Variants in MIA2 observed in about 807,000 individuals in gnomAD.
The protein encoded by MIA2 is melanoma inhibitory activity protein 2.
In MIA2, 127 loss-of-function variants were observed where a neutral mutation model predicts 167.8. That is an observed-to-expected ratio of 0.76 (90% confidence interval 0.66 to 0.88). The LOEUF (loss-of-function observed/expected upper bound fraction) is 0.88. Among genes scored for constraint, MIA2 ranks in the 40% least tolerant of loss-of-function variants. The pLI, the probability that MIA2 is intolerant of heterozygous loss-of-function variation, is 0.00. For synonymous variants in MIA2, 552 were observed against 541.9 expected, an observed-to-expected ratio of 1.02 and a Z score of -0.26; for missense variants, 1,690 against 1,624.7, an observed-to-expected ratio of 1.04 and a Z score of -0.69.
intron 6 of MIA2, among the ~76,000 whole-genome samples, chr14:39,259,517 C>G (rs1013286885): frequency 1.3e-5 from 2 of 151,808 alleles, no homozygotes; most frequent in African/African-American, 4.8e-5. Flanking sequence ...TTTCTTTTCT[C>G]TCTCTCTCTT....
At chr14:39,297,058 C>T (rs559497330) in intron 13 of MIA2, among the ~76,000 whole-genome samples, 10 of 146,046 alleles carry the variant, frequency 6.8e-5, no homozygotes, top group East Asian at 6.2e-4. Context: ...ATTACAAGCG[C>T]GAGCCACCAC....
intron 25 of MIA2, among the ~76,000 whole-genome samples, chr14:39,332,116 T>TC (rs2069042856): frequency 6.6e-6 from 1 of 152,228 alleles, no homozygotes; most frequent in Non-Finnish European, 1.5e-5. Flanking sequence ...TAGTCCCATA[T>TC]TTCTTGGAGG....
intron 7 of MIA2, among the ~76,000 whole-genome samples, chr14:39,277,764 A>ATATATGTGTG (rs2058358682): frequency 3.1e-5 from 1 of 31,770 alleles, no homozygotes; most frequent in Admixed American, 4.8e-4. Flanking sequence ...ATATATATAT[A>ATATATGTGTG]TATATATATA....
intron 25 of MIA2, among the ~76,000 whole-genome samples, chr14:39,338,280 T>A (rs1289644786): frequency 6.6e-6 from 1 of 152,250 alleles, no homozygotes; most frequent in Non-Finnish European, 1.5e-5. Context: ...ACTATAGTTA[T>A]GAAAGACGTA....
Position 39,303,539 on chromosome 14 carries a change from ATACT to A in MIA2, c.2787+18_2787+21del, listed in dbSNP as rs1319161889. The A allele has an allele frequency of 1.4e-5, 22 of 1,593,026 alleles. No individual in the cohort carries two copies. Among genetic ancestry groups the A allele is most frequent in the Non-Finnish European group, 1.9e-5 (22 of 1,164,086 alleles). ...ATGCTGCTAAGGTTTGTGCTATTAG[ATACT>A]TAAAAAGAATAAGGAGGAAGAAAGA... is the stretch of plus-strand genomic sequence containing the variant. On this transcript the variant is annotated intron_variant, in intron 16 of 28. Transcript: ENST00000640607.
At position 39,302,129 on chromosome 14, in the gene MIA2, ACT is replaced by A. The variant is rs1222226822; in HGVS notation, c.2623_2624del (p.Leu875AspfsTer2). ...VLNDKESHIKTLTERLLKMKD... is the reference protein window; with the variant it reads ...VLNDKESHIKXLTERLLKMKD... ...TTTTTCCCCTTTGTTCAATGTCAAG[ACT>A]CTGACTGAACGCTTGTTAAAGATGA... On this transcript the variant is annotated frameshift_variant and splice_region_variant, in exon 15 of 29. Coordinates refer to ENST00000640607, the MANE Select transcript of MIA2 (RefSeq NM_001329214.4). LOFTEE classifies it high-confidence loss of function. 7 of 1,613,118 alleles carry A rather than the reference ACT, an allele frequency of 4.3e-6. No homozygotes were observed. The highest frequency in any genetic ancestry group is 4.0e-5 in the African/African-American group (3 of 74,866).
At chr14:39,286,734 C>T (rs1469777926) in intron 9 of MIA2, among the ~76,000 whole-genome samples, 1 of 139,010 alleles carries the variant, frequency 7.2e-6, no homozygotes, top group African/African-American at 2.7e-5. Flanking sequence ...CACTCTGTTG[C>T]CCAGGCTGGA....
chr14:39,301,039 TACACACACACACACAC>T (rs58641218), intron 14 of MIA2, among the ~76,000 whole-genome samples: 43 of 145,234 alleles, frequency 3.0e-4, no homozygotes, highest in South Asian at 1.3e-3. Context: ...TACATATACA[TACACACACACACACAC>T]ACACACACAC....
chr14:39,274,756 T>G (rs2057695761), intron 6 of MIA2, among the ~76,000 whole-genome samples: 2 of 151,680 alleles, frequency 1.3e-5, no homozygotes, highest in South Asian at 2.1e-4. Flanking sequence ...TTCTCCAGTC[T>G]GCCAGATCTA....
At chr14:39,344,198 T>A (rs1049010763) in intron 25 of MIA2, among the ~76,000 whole-genome samples, 16 of 152,320 alleles carry the variant, frequency 1.1e-4, no homozygotes, top group African/African-American at 3.6e-4. Context: ...TAACAAAATT[T>A]TTTTATTTCT....
At chr14:39,332,551 C>T (rs2069153543) in intron 25 of MIA2, among the ~76,000 whole-genome samples, 1 of 152,140 alleles carries the variant, frequency 6.6e-6, no homozygotes, top group Non-Finnish European at 1.5e-5. Context: ...GCCTTTTTGC[C>T]TGGTTTTTCC....
At chr14:39,336,833 ACTC>A (rs1365649678) in intron 25 of MIA2, among the ~76,000 whole-genome samples, 2 of 151,862 alleles carry the variant, frequency 1.3e-5, no homozygotes, top group Non-Finnish European at 2.9e-5. Context: ...GTAGCCTTGA[ACTC>A]CTGATCTCAA....
Position 39,298,413 on chromosome 14 carries a change from T to TTATTTATATATATATA in MIA2, c.2497-1448_2497-1447insTTATATATATATATAT, listed in dbSNP as rs2061749382. On this transcript the variant is annotated intron_variant, in intron 13 of 28. Coordinates refer to ENST00000640607, the MANE Select transcript of MIA2 (RefSeq NM_001329214.4). The stretch of plus-strand genomic sequence containing the variant: ...TTTACCTGTATCATCTGATTCTGTT[T>TTATTTATATATATATA]TATATATATATATATATATATATAT... Among the ~76,000 whole-genome samples the TTATTTATATATATATA allele has an allele frequency of 1.9e-4, 5 of 26,136 alleles. 1 individual carries two copies. The highest frequency in any genetic ancestry group is 7.0e-4 in the African/African-American group (5 of 7,182). 17.1% of individuals were successfully genotyped at this position (26,136 alleles called of 152,430 possible). A position where few individuals can be genotyped will look rare whatever the true frequency, so the allele number is the denominator to read the frequency against.
chr14:39,249,530 A>G (rs2054465305), intron 4 of MIA2, among the ~76,000 whole-genome samples: 1 of 148,560 alleles, frequency 6.7e-6, no homozygotes, highest in Non-Finnish European at 1.5e-5. Flanking sequence ...TAATAAGAAA[A>G]CTCAAGCAAA....
chr14:39,345,152 C>T (rs1055961925), intron 25 of MIA2, among the ~76,000 whole-genome samples: 1 of 152,098 alleles, frequency 6.6e-6, no homozygotes, highest in Non-Finnish European at 1.5e-5. Context: ...GATCTCGGCT[C>T]ACTGCAACCT....
intron 2 of MIA2, among the ~76,000 whole-genome samples, chr14:39,238,811 A>AAAAAAAAAAAAAAAAAAAAAAAAAC: frequency 3.5e-4 from 36 of 103,628 alleles, no homozygotes; most frequent in African/African-American, 8.2e-4. Context: ...AAAAAAAAAA[A>AAAAAAAAAAAAAAAAAAAAAAAAAC]CCCAAAAAAC....
chr14:39,346,256 A>T (rs2073225907), intron 26 of MIA2, among the ~76,000 whole-genome samples: 1 of 152,204 alleles, frequency 6.6e-6, no homozygotes, highest in Admixed American at 6.5e-5. Flanking sequence ...TTTACTCCAT[A>T]TACCTATGAT....
At chr14:39,333,509 C>T (rs1379140980) in intron 25 of MIA2, among the ~76,000 whole-genome samples, 1 of 152,156 alleles carries the variant, frequency 6.6e-6, no homozygotes, top group African/African-American at 2.4e-5. Context: ...TAGGATATCC[C>T]AATCCCATTG....
chr14:39,286,190 C>T (rs1236098343), intron 9 of MIA2, among the ~76,000 whole-genome samples: 1 of 152,254 alleles, frequency 6.6e-6, no homozygotes, highest in Non-Finnish European at 1.5e-5. Context: ...CATCTGCAAT[C>T]CCGGCACCTC....
Sources: gnomAD v4.1 joint callset for allele counts (sites outside exome capture counted in the v4.1 genomes callset) on GRCh38, gnomAD v4.1.1 for gene constraint, MANE v1.5 for transcripts, NCBI Gene and HGNC (gene_info 2026-07-23, HGNC 2026-07-21) for gene names.